NR2F2: variants seen among roughly 807,000 people sequenced by gnomAD.
NR2F2 encodes the protein nuclear receptor subfamily 2 group F member 2, also known as COUP transcription factor 2.
In NR2F2, 2 loss-of-function variants were observed where a neutral mutation model predicts 34.8. The ratio of observed to expected loss-of-function variants is 0.06; its 90% confidence interval spans 0.02 to 0.18. The LOEUF is 0.18. Among genes scored for constraint, NR2F2 ranks in the 10% least tolerant of loss-of-function variants. The probability of loss-of-function intolerance (pLI) is 1.00; values close to 1 mark genes in which losing one functional copy is unlikely to be tolerated. For synonymous variants in NR2F2, 274 were observed against 251.8 expected (o/e 1.09, Z -0.84); for missense variants, 300 against 580.1 (o/e 0.52, Z 4.96).
upstream of NR2F2, chr15:96,326,201 C>G (rs1207791498): frequency 1.1e-6 from 1 of 923,976 alleles, no homozygotes; most frequent in South Asian, 1.3e-5. The surrounding 1 kb of genome is among the most constrained non-coding windows in gnomAD (Gnocchi z 5.5). Context: ...AGATAAACAC[C>G]GAGGAGGAGA....
upstream of NR2F2, chr15:96,327,337 G>A (rs920496538): frequency 2.0e-5 from 3 of 152,194 alleles, no homozygotes; most frequent in African/African-American, 7.2e-5. Context: ...ATGCCTACGT[G>A]AGTCCAAAGT....
In NR2F2 at chr15:96,331,398, G is replaced by GCCTCCGC; in HGVS notation, c.-705_-699dup. The GCCTCCGC allele has an allele frequency of 8.1e-7, 1 of 1,228,132 alleles. No homozygotes were observed. Among genetic ancestry groups the GCCTCCGC allele is most frequent in the Non-Finnish European group, 1.0e-6 (1 of 985,864 alleles). The allele number at this position is 1,228,132 out of a possible 1,614,324, so 76.1% of individuals were successfully genotyped here. A position where few individuals can be genotyped will look rare whatever the true frequency, so the allele number is the denominator to read the frequency against. On this transcript the variant is annotated 5_prime_UTR_variant, in exon 1 of 3. An upstream open reading frame in the 5' UTR loses its in-frame stop. Transcript: ENST00000394166. ...GCTCCGGCCACTCCGCGGGCCGCCG[G>GCCTCCGC]CCTCCGCCCCGGCCTGCCTGGCTCC...
Position 96,337,520 on chromosome 15 carries a change from G to A in NR2F2, c.1143G>A (p.Leu381=), listed in dbSNP as rs1396741913. 5 of 1,613,896 alleles carry A rather than the reference G, an allele frequency of 3.1e-6. No individual in the cohort carries two copies. The highest frequency in any genetic ancestry group is 1.1e-5 in the South Asian group (1 of 91,080). The change falls in exon 3 of 3, where the codon TTG becomes TTA. Residue 381 remains leucine, a synonymous_variant. Transcript: ENST00000394166. ...TCTCCTCCTCAGTCATAGAGCAATT[G>A]TTTTTCGTCCGTTTGGTAGGTAAAA... The part of the protein sequence containing the change: ...RTVSSSVIEQ[L]FFVRLVGKTP...
rs755005420 is a variant in NR2F2 at position 96,337,605 on chromosome 15, T to C, written c.1228T>C (p.Tyr410His). The C allele has an allele frequency of 6.2e-7, 1 of 1,612,558 alleles. No homozygotes were observed. The highest frequency in any genetic ancestry group is 8.5e-7 in the Non-Finnish European group (1 of 1,178,888). ...GTCCGGCAGCAGTTTTAACTGGCCG[T>C]ATATGGCAATTCAATAAATAAATAA... ...LLSGSSFNWPYMAIQ is the reference protein window; with the variant it reads ...LLSGSSFNWPHMAIQ Residue 410 changes from tyrosine to histidine, a missense_variant, in exon 3 of 3, where the codon TAT becomes CAT. Tyr to His is a moderately conservative substitution (Grantham distance 83, BLOSUM62 2). Around this residue, in one of 6 missense-constraint regions of NR2F2, gnomAD observed 164 missense variants for 365.3 expected, o/e 0.45. Transcript: ENST00000394166.
At chr15:96,327,522 C>T (rs1302609135), upstream of NR2F2, among the ~76,000 whole-genome samples, 1 of 152,166 alleles carries the variant, frequency 6.6e-6, no homozygotes, top group African/African-American at 2.4e-5. Context: ...TCTGACAGCC[C>T]CTGGTGATTT....
chr15:96,336,847 G>T (rs1478629922), intron 2 of NR2F2, among the ~76,000 whole-genome samples: 2 of 152,092 alleles, frequency 1.3e-5, no homozygotes, highest in Non-Finnish European at 2.9e-5. Context: ...GCCCTCTTTG[G>T]GGGGAATCTG....
upstream of NR2F2, chr15:96,326,956 C>A (rs1306282088): frequency 6.5e-6 from 1 of 152,778 alleles, no homozygotes; most frequent in East Asian, 1.9e-4. This position sits in a 1 kb window ranked among gnomAD's most constrained non-coding sequence, Gnocchi z 5.5. Flanking sequence ...GGGTACTCAC[C>A]ATCGGGCGGG....
rs1046256360 is a variant in NR2F2, at chr15:96,331,636, G to C, written c.-470G>C. ...TCGGCTGCACACCAGCTCTAAGAGC[G>C]AGAGTGAACGAGAGAGGGAGGGAGA... On this transcript the variant is annotated 5_prime_UTR_variant, in exon 1 of 3. Coordinates refer to ENST00000394166, the MANE Select transcript of NR2F2 (RefSeq NM_021005.4). 6 of 1,169,858 alleles carry C rather than the reference G, an allele frequency of 5.1e-6. No individual in the cohort carries two copies. The highest frequency in any genetic ancestry group is 1.6e-5 in the African/African-American group (1 of 62,510). 72.5% of individuals were successfully genotyped at this position (1,169,858 alleles called of 1,614,324 possible). A position where few individuals can be genotyped will look rare whatever the true frequency, so the allele number is the denominator to read the frequency against.
intron 2 of NR2F2, 108 bp from the exon 3 acceptor site, chr15:96,337,240 C>A: frequency 3.1e-6 from 4 of 1,309,952 alleles, no homozygotes; most frequent in Admixed American, 4.3e-5. Flanking sequence ...TGTGCACACA[C>A]CTCATGTGAC....
chr15:96,336,317 C>T (rs952022717), intron 2 of NR2F2, among the ~76,000 whole-genome samples: 5 of 152,170 alleles, frequency 3.3e-5, no homozygotes, highest in Non-Finnish European at 5.9e-5. Flanking sequence ...GGGAAGGAGT[C>T]CTGTGCAAAC....
In NR2F2 at chr15:96,332,035, G is replaced by T; in HGVS notation, c.-71G>T. 8.0e-7 allele frequency: 1 copy of T among 1,242,696 alleles called. No individual in the cohort carries two copies. Among genetic ancestry groups the T allele is most frequent in the Non-Finnish European group, 1.0e-6 (1 of 992,752 alleles). The allele number at this position is 1,242,696 out of a possible 1,614,324, so 77.0% of individuals were successfully genotyped here. A position where few individuals can be genotyped will look rare whatever the true frequency, so the allele number is the denominator to read the frequency against. ...GGCGGCGCGCCGGAGCCCGAGACCC[G>T]GGGAGCCGCCGCCGCCCCGCCGCCG... is the stretch of plus-strand genomic sequence containing the variant. On this transcript the variant is annotated 5_prime_UTR_variant, in exon 1 of 3. Coordinates refer to ENST00000394166, the MANE Select transcript of NR2F2 (RefSeq NM_021005.4).
chr15:96,337,287 CTTCTTCTTCTTCTTCTTCTTT>C (rs1472628487), intron 2 of NR2F2, 40 bp from the exon 3 acceptor site: 9 of 1,484,260 alleles, frequency 6.1e-6, no homozygotes, highest in Non-Finnish European at 7.3e-6. Flanking sequence ...CTGAATTCTT[CTTCTTCTTCTTCTTCTTCTTT>C]TTCTTCTTCT....
chr15:96,333,344 C>T, intron 1 of NR2F2: 1 of 1,001,972 alleles, frequency 1.0e-6, no homozygotes, highest in Non-Finnish European at 1.2e-6. Flanking sequence ...TCTCCCGGTC[C>T]GGAGTCAGAT....
intron 2 of NR2F2, 40 bp from the exon 3 acceptor site, chr15:96,337,284 CTTCTTCTTCTTCTTCTTCTTCTTT>C (rs1567139655): frequency 1.2e-5 from 9 of 744,082 alleles, no homozygotes; most frequent in South Asian, 7.8e-5. Flanking sequence ...TGACTGAATT[CTTCTTCTTCTTCTTCTTCTTCTTT>C]TTCTTCTTCT....
At chr15:96,332,720 G>A (rs1899182854) in intron 1 of NR2F2, 173 bp downstream of exon 1, 9 of 1,363,290 alleles carry the variant, frequency 6.6e-6, no homozygotes, top group South Asian at 6.4e-5. Flanking sequence ...CCCCAAATCC[G>A]CATGCTTTGG....
Position 96,337,676 on chromosome 15 carries a change from G to T in NR2F2, c.*54G>T, listed in dbSNP as rs1467816085. The T allele has an allele frequency of 1.2e-5, 18 of 1,536,232 alleles. No individual in the cohort carries two copies. Among genetic ancestry groups the T allele is most frequent in the Non-Finnish European group, 1.6e-5 (18 of 1,133,572 alleles). On this transcript the variant is annotated 3_prime_UTR_variant, in exon 3 of 3. Transcript: ENST00000394166. ...CAGAGAAAGAAAAGGCAAAAGACTG[G>T]TTTGTTTGCTTAATTTCCTTCTGTT...
rs1282041633 is a variant in NR2F2 at position 96,339,117 on chromosome 15, AT to A, written c.*1498del. On this transcript the variant is annotated 3_prime_UTR_variant, in exon 3 of 3. Transcript: ENST00000394166. The stretch of plus-strand genomic sequence containing the variant: ...CCAGGAAAAAAAAAAAGGCCCTTAT[AT>A]TTGTCACACTTAAGTGCCTGCTTAG... 1 of 151,918 alleles carries A rather than the reference AT, an allele frequency of 6.6e-6. No individual in the cohort carries two copies. The highest frequency in any genetic ancestry group is 1.5e-5 in the Non-Finnish European group (1 of 67,966). The allele number at this position is 151,918 out of a possible 1,614,324, so 9.4% of individuals were successfully genotyped here.
chr15:96,330,805 G>GGTGTGT lies in NR2F2; in HGVS notation c.-1295_-1290dup. On this transcript the variant is annotated 5_prime_UTR_variant, in exon 1 of 3. Coordinates refer to ENST00000394166, the MANE Select transcript of NR2F2 (RefSeq NM_021005.4). ...TGATTCTCTGTTCTTTTCTCTCCGC[G>GGTGTGT]GTGTGTGTGTGCGTGCGCGCGTGTG... is the stretch of plus-strand genomic sequence containing the variant. 9.6e-7 allele frequency: 1 copy of GGTGTGT among 1,038,812 alleles called. No individual in the cohort carries two copies. Among genetic ancestry groups the GGTGTGT allele is most frequent in the Non-Finnish European group, 1.2e-6 (1 of 837,392 alleles). The allele number at this position is 1,038,812 out of a possible 1,614,324, so 64.3% of individuals were successfully genotyped here. A position where few individuals can be genotyped will look rare whatever the true frequency, so the allele number is the denominator to read the frequency against.
intron 1 of NR2F2, chr15:96,333,562 G>A (rs1262244706): frequency 3.0e-6 from 3 of 1,012,886 alleles, no homozygotes; most frequent in Non-Finnish European, 3.6e-6. Flanking sequence ...GTCTCTCACT[G>A]GGGGGGTTCC....
Sources: gnomAD v4.1 joint callset for allele counts (sites outside exome capture counted in the v4.1 genomes callset) on GRCh38, gnomAD v4.1.1 for gene constraint, gnomAD v4.1.1 regional missense constraint, Gnocchi (gnomAD v3.1) non-coding constraint, MANE v1.5 for transcripts, NCBI Gene and HGNC (gene_info 2026-07-23, HGNC 2026-07-21) for gene names.